GNAT3: variants seen among roughly 807,000 people sequenced by gnomAD.
GNAT3 encodes the protein guanine nucleotide-binding protein G(t) subunit alpha-3.
Under a neutral mutation model 37.7 loss-of-function variants are expected in GNAT3, and 31 were observed. That is an observed-to-expected ratio of 0.82 (90% CI 0.62 to 1.11). The LOEUF (loss-of-function observed/expected upper bound fraction) is 1.11, where lower values mean the gene tolerates loss of function less well. GNAT3 is among the 50% of genes most tolerant of loss of function. The pLI is 0.00. For synonymous variants in GNAT3, 138 were observed against 139.8 expected (o/e 0.99, Z 0.09); for missense variants, 437 against 412.5 (o/e 1.06, Z -0.51).
intron 4 of GNAT3, among the ~76,000 whole-genome samples, chr7:80,477,077 A>C (rs1022729872): frequency 1.3e-5 from 2 of 152,138 alleles, no homozygotes; most frequent in Non-Finnish European, 2.9e-5. Context: ...TTTTACTATG[A>C]ATCTATAATG....
At chr7:80,463,423 A>G (rs1379344368) in intron 5 of GNAT3, among the ~76,000 whole-genome samples, 1 of 152,130 alleles carries the variant, frequency 6.6e-6, no homozygotes, top group African/African-American at 2.4e-5. Context: ...TTGCTGCCTC[A>G]GGGCTTTCAC....
chr7:80,507,588 A>G (rs1790971840), intron 1 of GNAT3, among the ~76,000 whole-genome samples: 1 of 152,016 alleles, frequency 6.6e-6, no homozygotes, highest in South Asian at 2.1e-4. Flanking sequence ...GGCTAGCCTA[A>G]GGTCACTCTG....
At chr7:80,506,946 T>C (rs1230662080) in intron 1 of GNAT3, among the ~76,000 whole-genome samples, 2 of 152,084 alleles carry the variant, frequency 1.3e-5, no homozygotes, top group East Asian at 1.9e-4. Context: ...CATTATGCTA[T>C]ATAAAAATAT....
At chr7:80,509,218 A>G (rs532968882) in intron 1 of GNAT3, among the ~76,000 whole-genome samples, 3 of 152,234 alleles carry the variant, frequency 2.0e-5, no homozygotes, top group South Asian at 4.1e-4. Flanking sequence ...TTTGAATTCA[A>G]TCCAAACATG....
At chr7:80,490,421 A>G (rs1790569970) in intron 2 of GNAT3, among the ~76,000 whole-genome samples, 1 of 152,192 alleles carries the variant, frequency 6.6e-6, no homozygotes, top group Non-Finnish European at 1.5e-5. Flanking sequence ...TTTAAACATT[A>G]TGATAATGCA....
chr7:80,462,622 A>G lies in GNAT3; in HGVS notation c.600T>C (p.Asp200=), dbSNP rs752747964. Reference sequence around the variant, plus strand: ...TTCTCTCAGATCTCTGTCCACCTACATCAAACATCCTTTAAGAAAACATCA... The same window carrying G: ...TTCTCTCAGATCTCTGTCCACCTACGTCAAACATCCTTTAAGAAAACATCA... ...SFKDLHFRMF[D]VGGQRSERKK... Residue 200 remains aspartate, a synonymous_variant, in exon 6 of 8, where the codon GAT becomes GAC. Coordinates refer to ENST00000398291, the MANE Select transcript of GNAT3 (RefSeq NM_001102386.3). 3 of 1,608,706 alleles carry G rather than the reference A, an allele frequency of 1.9e-6. No individual in the cohort carries two copies. Among genetic ancestry groups the G allele is most frequent in the Middle Eastern group, 1.7e-4 (1 of 6,024 alleles).
At chr7:80,477,318 T>G (rs1367966214) in intron 4 of GNAT3, among the ~76,000 whole-genome samples, 1 of 152,124 alleles carries the variant, frequency 6.6e-6, no homozygotes, top group Non-Finnish European at 1.5e-5. Context: ...CAATTCAGCT[T>G]CTTACTCATT....
intron 5 of GNAT3, among the ~76,000 whole-genome samples, chr7:80,473,741 A>T (rs1790256327): frequency 6.6e-6 from 1 of 152,168 alleles, no homozygotes; most frequent in African/African-American, 2.4e-5. Flanking sequence ...GAAAATAATG[A>T]TTCATTTTCA....
intron 4 of GNAT3, among the ~76,000 whole-genome samples, chr7:80,477,712 C>T (rs1043356245): frequency 7.9e-5 from 12 of 152,070 alleles, no homozygotes; most frequent in Non-Finnish European, 1.8e-4. Context: ...TACTGTTTTG[C>T]TTTTGTTTAA....
chr7:80,492,405 G>T (rs1251783427), intron 2 of GNAT3, among the ~76,000 whole-genome samples: 2 of 151,562 alleles, frequency 1.3e-5, no homozygotes, highest in African/African-American at 2.4e-5. Flanking sequence ...ATGCAATTTT[G>T]TAACCTGTTT....
intron 4 of GNAT3, among the ~76,000 whole-genome samples, chr7:80,478,284 T>G (rs530644618): frequency 6.6e-6 from 1 of 152,226 alleles, no homozygotes; most frequent in African/African-American, 2.4e-5. Flanking sequence ...TCCTTATGGT[T>G]AATTAATGCT....
chr7:80,511,959 T>C lies in GNAT3; in HGVS notation c.-33A>G, dbSNP rs1355473229. On this transcript the variant is annotated 5_prime_UTR_variant, in exon 1 of 8. Transcript: ENST00000398291. ...TGGTAGATACTTGTCAGTTTATATG[T>C]TCAGATTTTTCAAATGTTGAGCACA... 6.8e-7 allele frequency: 1 copy of C among 1,463,312 alleles called. No homozygotes were observed. Among genetic ancestry groups the C allele is most frequent in the African/African-American group, 1.4e-5 (1 of 72,072 alleles). The allele number at this position is 1,463,312 out of a possible 1,614,324, so 90.6% of individuals were successfully genotyped here. A position where few individuals can be genotyped will look rare whatever the true frequency, so the allele number is the denominator to read the frequency against.
At chr7:80,470,183 G>A (rs890211001) in intron 5 of GNAT3, among the ~76,000 whole-genome samples, 1 of 151,906 alleles carries the variant, frequency 6.6e-6, no homozygotes, top group Admixed American at 6.6e-5. Flanking sequence ...TTAGTATATA[G>A]CGAAGAGGTG....
At chr7:80,505,763 C>T (rs116863312) in intron 1 of GNAT3, among the ~76,000 whole-genome samples, 5,576 of 152,204 alleles carry the variant, frequency 0.037, 193 homozygotes, top group Non-Finnish European at 0.049. Flanking sequence ...ATGACTTCCC[C>T]CTTTTTTATT....
intron 5 of GNAT3, among the ~76,000 whole-genome samples, chr7:80,465,170 ACCTT>A (rs1790111490): frequency 6.6e-6 from 1 of 152,178 alleles, no homozygotes; most frequent in Non-Finnish European, 1.5e-5. Flanking sequence ...CATAAAAACA[ACCTT>A]AGTGTTTTTC....
intron 5 of GNAT3, among the ~76,000 whole-genome samples, chr7:80,472,718 CAG>C (rs750207837): frequency 2.3e-4 from 35 of 152,140 alleles, no homozygotes; most frequent in Non-Finnish European, 2.5e-4. Flanking sequence ...ATCTAGGACA[CAG>C]AGAGTTCTAC....
At chr7:80,481,499 A>G (rs1790391925) in intron 3 of GNAT3, among the ~76,000 whole-genome samples, 1 of 152,208 alleles carries the variant, frequency 6.6e-6, no homozygotes. Flanking sequence ...ATAAGATTCC[A>G]AATTCCAAAC....
At chr7:80,505,593 C>G (rs192553501) in intron 1 of GNAT3, among the ~76,000 whole-genome samples, 5 of 152,270 alleles carry the variant, frequency 3.3e-5, no homozygotes, top group African/African-American at 1.2e-4. Flanking sequence ...GTCTCGATCT[C>G]CTGACCTTGT....
At chr7:80,471,785 T>C (rs1790225111) in intron 5 of GNAT3, among the ~76,000 whole-genome samples, 1 of 152,072 alleles carries the variant, frequency 6.6e-6, no homozygotes, top group East Asian at 1.9e-4. Context: ...GTGAAAGACC[T>C]TGGGGGAAAT....
Sources: gnomAD v4.1 joint callset for allele counts (sites outside exome capture counted in the v4.1 genomes callset) on GRCh38, gnomAD v4.1.1 for gene constraint, MANE v1.5 for transcripts, NCBI Gene and HGNC (gene_info 2026-07-23, HGNC 2026-07-21) for gene names.